The following MAD1L1 variants were observed in gnomAD, a reference collection of about 807,000 sequenced individuals.
MAD1L1 encodes mitotic arrest deficient 1 like 1, also known as mitotic spindle assembly checkpoint protein MAD1.
Under a neutral mutation model 96.9 loss-of-function variants are expected in MAD1L1, and 95 were observed. The observed-to-expected ratio is 0.98, with a 90% CI of 0.83 to 1.16. MAD1L1 has a LOEUF of 1.16. Ranked by LOEUF, MAD1L1 falls within the 50% of genes most tolerant of loss-of-function variation. The pLI is 0.00. For missense variants in MAD1L1, 1,007 were observed against 954.4 expected, an observed-to-expected ratio of 1.06 and a Z score of -0.73; for synonymous variants, 473 against 396.6, an observed-to-expected ratio of 1.19 and a Z score of -2.29.
intron 17 of MAD1L1, among the ~76,000 whole-genome samples, chr7:1,912,065 C>T (rs1354077610): frequency 6.6e-6 from 1 of 152,358 alleles, no homozygotes; most frequent in Admixed American, 6.5e-5. Flanking sequence ...ACCCAGAAGT[C>T]TGCAGGAGTA....
chr7:2,013,681 C>T (rs771778696), intron 13 of MAD1L1, among the ~76,000 whole-genome samples: 4 of 152,266 alleles, frequency 2.6e-5, no homozygotes, highest in Non-Finnish European at 5.9e-5. Flanking sequence ...CACGCCCAGG[C>T]GGGGCTGCAC....
rs541808309 is a variant in MAD1L1 at position 1,840,428 on chromosome 7, G to T, written c.1999-24200C>A. Among the ~76,000 whole-genome samples, 4 of 152,286 alleles carry T rather than the reference G, an allele frequency of 2.6e-5. No homozygotes were observed. The East Asian group carries it at 5.8e-4, about 22-fold the overall frequency. On this transcript the variant is annotated intron_variant, in intron 18 of 18. Transcript: ENST00000265854. ...TATCTGTCCTAGCAGCAGCAGAGCC[G>T]CGTCATAAACAGTAAAACAAGCCAG...
Position 2,103,421 on chromosome 7 carries a change from T to C in MAD1L1, c.1074-34083A>G, listed in dbSNP as rs912261284. Among the ~76,000 whole-genome samples, 1 of 151,954 alleles carries C rather than the reference T, an allele frequency of 6.6e-6. No homozygotes were observed. Among genetic ancestry groups the C allele is most frequent in the Non-Finnish European group, 1.5e-5 (1 of 67,976 alleles). ...TGATGACGTTTCTGTTTGGAAGAAG[T>C]GGGTGAGCACCTGAGAGGACAGAGG... On this transcript the variant is annotated intron_variant, in intron 11 of 18. Transcript: ENST00000265854. This position sits in a 1 kb window ranked among gnomAD's most constrained non-coding sequence, Gnocchi z 4.3.
At chr7:2,206,718 A>G (rs1044937095) in intron 10 of MAD1L1, among the ~76,000 whole-genome samples, 1 of 152,266 alleles carries the variant, frequency 6.6e-6, no homozygotes, top group Admixed American at 6.5e-5. Context: ...TGTAAGCTGT[A>G]TAACTTGTTC....
At chr7:2,216,021 G>T in intron 8 of MAD1L1, 22 bp from the exon 9 acceptor site, 3 of 1,612,722 alleles carry the variant, frequency 1.9e-6, no homozygotes, top group Non-Finnish European at 2.5e-6. Context: ...ACAAAGAGTC[G>T]CTCAAATAGC....
intron 11 of MAD1L1, among the ~76,000 whole-genome samples, chr7:2,110,751 A>G (rs1787336612): frequency 6.6e-6 from 1 of 152,162 alleles, no homozygotes; most frequent in Admixed American, 6.5e-5. Context: ...CTACTTCTAT[A>G]CCGATACTCA....
rs1045375226 is a variant in MAD1L1 at position 2,146,996 on chromosome 7, C to T, written c.1073+2156G>A. ...GCCTGTCCTAGGGTCTGCCTCCTTC[C>T]TGGGCCTTGGAAGTGCACAAAAGGG... On this transcript the variant is annotated intron_variant, in intron 11 of 18. Coordinates refer to ENST00000265854, the MANE Select transcript of MAD1L1 (RefSeq NM_001013836.2). This position sits in a 1 kb window ranked among gnomAD's most constrained non-coding sequence, Gnocchi z 6.2. Among the ~76,000 whole-genome samples, 3 of 152,182 alleles carry T rather than the reference C, an allele frequency of 2.0e-5. No individual in the cohort carries two copies. Among genetic ancestry groups the T allele is most frequent in the Non-Finnish European group, 4.4e-5 (3 of 68,032 alleles).
At chr7:1,868,937 C>T (rs922468982) in intron 18 of MAD1L1, among the ~76,000 whole-genome samples, 6 of 152,318 alleles carry the variant, frequency 3.9e-5, no homozygotes, top group East Asian at 1.9e-4. Context: ...GCCGCCTCAC[C>T]GCGCCAGGCA....
In MAD1L1 at chr7:2,228,378, C is replaced by A. The variant is rs544007366; in HGVS notation, c.150+1606G>T. On this transcript the variant is annotated intron_variant, in intron 3 of 18. Transcript: ENST00000265854. ...GGTTCAAGCGATTCTCCTGCCTCAG[C>A]CTCCCGAGTAGGTGGGATTACAGGT... Among the ~76,000 whole-genome samples, 377 of 152,200 alleles carry A rather than the reference C, an allele frequency of 2.5e-3. 1 individual carries two copies. Among genetic ancestry groups the A allele is most frequent in the African/African-American group, 8.6e-3 (357 of 41,506 alleles).
intron 18 of MAD1L1, among the ~76,000 whole-genome samples, chr7:1,859,939 C>T (rs552430170): frequency 1.3e-4 from 17 of 132,562 alleles, no homozygotes; most frequent in Non-Finnish European, 2.4e-4. Flanking sequence ...GCCTCTGTCT[C>T]CCTAGACGTG....
intron 18 of MAD1L1, among the ~76,000 whole-genome samples, chr7:1,883,609 C>G (rs567814119): frequency 1.3e-5 from 2 of 152,220 alleles, no homozygotes; most frequent in South Asian, 4.1e-4. Flanking sequence ...CTCCAACCTC[C>G]TCAGGCACAA....
chr7:2,055,151 G>A (rs548945093), intron 12 of MAD1L1, among the ~76,000 whole-genome samples: 1 of 152,158 alleles, frequency 6.6e-6, no homozygotes, highest in African/African-American at 2.4e-5. Flanking sequence ...GGCGGTGCGT[G>A]CCACGACAGC....
chr7:1,888,283 T>G (rs1331668471), intron 18 of MAD1L1, among the ~76,000 whole-genome samples: 1 of 136,962 alleles, frequency 7.3e-6, no homozygotes, highest in Non-Finnish European at 1.6e-5. Context: ...CCTGTGCATG[T>G]GTGTGCATGC....
intron 18 of MAD1L1, among the ~76,000 whole-genome samples, chr7:1,862,474 G>A (rs995316687): frequency 7.9e-5 from 12 of 152,208 alleles, no homozygotes; most frequent in African/African-American, 1.7e-4. Context: ...TCCCGAGACT[G>A]CAGCAGGGCC....
intron 3 of MAD1L1, among the ~76,000 whole-genome samples, chr7:2,228,934 C>T (rs1164621864): frequency 1.3e-5 from 2 of 151,972 alleles, no homozygotes; most frequent in South Asian, 2.1e-4. Context: ...AGGGTTTCAC[C>T]GTGTTAGCCA....
At chr7:1,868,821 T>G (rs111820860) in intron 18 of MAD1L1, among the ~76,000 whole-genome samples, 2,886 of 152,180 alleles carry the variant, frequency 0.019, 91 homozygotes, top group African/African-American at 0.065. Context: ...GAGCTGAAGG[T>G]GTGACCTCCC....
intron 12 of MAD1L1, among the ~76,000 whole-genome samples, chr7:2,042,863 G>T (rs1783748857): frequency 6.7e-6 from 1 of 149,092 alleles, no homozygotes; most frequent in Admixed American, 6.7e-5. Context: ...TACACCTGAG[G>T]AGCCTTCACG....
At chr7:2,113,451 G>A (rs558144681) in intron 11 of MAD1L1, among the ~76,000 whole-genome samples, 2 of 152,190 alleles carry the variant, frequency 1.3e-5, no homozygotes, top group East Asian at 1.9e-4. Context: ...GTGGTGGCAG[G>A]CGCCTGTGGT....
chr7:1,837,190 G>A (rs1196353689), intron 18 of MAD1L1, among the ~76,000 whole-genome samples: 1 of 152,208 alleles, frequency 6.6e-6, no homozygotes, highest in African/African-American at 2.4e-5. Context: ...CCAGCAAGAT[G>A]GCACAGGGAC....
Sources: gnomAD v4.1 joint callset for allele counts (sites outside exome capture counted in the v4.1 genomes callset) on GRCh38, gnomAD v4.1.1 for gene constraint, Gnocchi (gnomAD v3.1) non-coding constraint, MANE v1.5 for transcripts, NCBI Gene and HGNC (gene_info 2026-07-23, HGNC 2026-07-21) for gene names.